Variants in DCC observed in about 807,000 individuals in gnomAD.
The protein encoded by DCC is DCC netrin 1 receptor.
Under a neutral mutation model 172.5 loss-of-function variants are expected in DCC, and 58 were observed. The ratio of observed to expected loss-of-function variants is 0.34; its 90% CI spans 0.27 to 0.42. The LOEUF (loss-of-function observed/expected upper bound fraction) is 0.42. Ranked by LOEUF, DCC falls within the 10% of genes least tolerant of loss-of-function variation. The pLI is 1.00. For synonymous variants in DCC, 709 were observed against 644.5 expected (o/e 1.10, Z -1.52); for missense variants, 1,740 against 1,791.0 (o/e 0.97, Z 0.51).
intron 7 of DCC, among the ~76,000 whole-genome samples, chr18:53,100,431 G>T (rs1049347776): frequency 2.0e-5 from 3 of 151,978 alleles, no homozygotes; most frequent in African/African-American, 7.3e-5. Context: ...AATGTTCACA[G>T]CAAATAAATA....
At chr18:52,576,827 C>G (rs2033424148) in intron 1 of DCC, among the ~76,000 whole-genome samples, 1 of 93,058 alleles carries the variant, frequency 1.1e-5, no homozygotes, top group Non-Finnish European at 2.3e-5. Flanking sequence ...AAGCCTCCAT[C>G]TCAAAAAAAA....
chr18:53,071,462 A>G (rs2042650130), intron 7 of DCC, among the ~76,000 whole-genome samples: 1 of 152,228 alleles, frequency 6.6e-6, no homozygotes, highest in African/African-American at 2.4e-5. Context: ...ATAATGGTAC[A>G]TAAGTAACAT....
intron 1 of DCC, among the ~76,000 whole-genome samples, chr18:52,374,794 A>C (rs1478103558): frequency 1.3e-5 from 2 of 152,200 alleles, no homozygotes; most frequent in East Asian, 3.8e-4. Flanking sequence ...TCTGGTCTAG[A>C]AAGATTAATA....
intron 1 of DCC, among the ~76,000 whole-genome samples, chr18:52,450,149 A>G (rs967457562): frequency 6.6e-6 from 1 of 152,154 alleles, no homozygotes; most frequent in Non-Finnish European, 1.5e-5. Flanking sequence ...GGTCCATGTA[A>G]TTTTCCTAAG....
intron 1 of DCC, among the ~76,000 whole-genome samples, chr18:52,425,432 G>T (rs537915314): frequency 6.6e-6 from 1 of 152,164 alleles, no homozygotes; most frequent in African/African-American, 2.4e-5. Context: ...AGTTTCAGTT[G>T]GTGTCTGAGG....
intron 2 of DCC, among the ~76,000 whole-genome samples, chr18:52,862,555 G>A (rs1183495459): frequency 2.6e-5 from 4 of 151,828 alleles, no homozygotes; most frequent in South Asian, 2.1e-4. Flanking sequence ...AAAATTAGCC[G>A]GGCATGGTGG....
At chr18:53,060,639 A>T (rs902219699) in intron 5 of DCC, among the ~76,000 whole-genome samples, 1 of 152,142 alleles carries the variant, frequency 6.6e-6, no homozygotes, top group Middle Eastern at 3.2e-3. Context: ...AAATCAGATT[A>T]TTTTCCCCTT....
chr18:53,459,185 C>A, intron 23 of DCC, 47 bp from the exon 24 acceptor site: 2 of 1,374,484 alleles, frequency 1.5e-6, no homozygotes, highest in Middle Eastern at 1.9e-4. Context: ...AAAGGAAGTG[C>A]CATTGAATAG....
chr18:53,177,059 C>G (rs1465599988), intron 8 of DCC, among the ~76,000 whole-genome samples: 1 of 151,920 alleles, frequency 6.6e-6, no homozygotes, highest in Non-Finnish European at 1.5e-5. Context: ...AATCATCATT[C>G]TCAGTAAACT....
At chr18:52,863,223 A>G (rs1890256208) in intron 2 of DCC, among the ~76,000 whole-genome samples, 1 of 152,016 alleles carries the variant, frequency 6.6e-6, no homozygotes, top group African/African-American at 2.4e-5. Context: ...CTTACCGAAA[A>G]TACATCTCAC....
intron 7 of DCC, among the ~76,000 whole-genome samples, chr18:53,077,564 G>C (rs750802917): frequency 2.6e-5 from 4 of 152,142 alleles, no homozygotes; most frequent in Non-Finnish European, 5.9e-5. Flanking sequence ...ATAACTTGGT[G>C]CATCTCAGAG....
At position 52,459,456 on chromosome 18, in the gene DCC, T is replaced by TTTTCTTTCTTTCTTTCTTTCTTTCTTTC. The variant is rs113006148; in HGVS notation, c.91+118605_91+118606insCTTTCTTTCTTTCTTTCTTTCTTTCTTT. Among the ~76,000 whole-genome samples, 113 of 151,118 alleles carry TTTTCTTTCTTTCTTTCTTTCTTTCTTTC rather than the reference T, an allele frequency of 7.5e-4. 2 individuals carry two copies. The East Asian group carries it at 0.02, about 26-fold the overall frequency. ...ATAAGTAAGAAAATGCAGTATTTGG[T>TTTTCTTTCTTTCTTTCTTTCTTTCTTTC]TTTCTTTCTTTCTTTCTTTCTTTCT... On this transcript the variant is annotated intron_variant, in intron 1 of 28. Transcript: ENST00000442544.
intron 1 of DCC, among the ~76,000 whole-genome samples, chr18:52,711,874 T>G (rs948785381): frequency 1.3e-5 from 2 of 152,208 alleles, no homozygotes; most frequent in Admixed American, 6.5e-5. Flanking sequence ...CTTTTCTGTA[T>G]CTCCAACTAG....
intron 1 of DCC, among the ~76,000 whole-genome samples, chr18:52,512,841 G>A (rs147985922): frequency 2.6e-5 from 4 of 152,278 alleles, no homozygotes; most frequent in Non-Finnish European, 5.9e-5. Context: ...ATTAGATGTG[G>A]TATCTGGAAG....
chr18:52,897,200 T>G (rs1458029281), intron 2 of DCC, among the ~76,000 whole-genome samples: 1 of 152,158 alleles, frequency 6.6e-6, no homozygotes, highest in Non-Finnish European at 1.5e-5. Flanking sequence ...TCTGGAACAG[T>G]ACCAACACTA....
intron 5 of DCC, among the ~76,000 whole-genome samples, chr18:53,001,237 A>G (rs1357575332): frequency 6.6e-6 from 1 of 152,128 alleles, no homozygotes; most frequent in Non-Finnish European, 1.5e-5. Context: ...AAAGATGGCC[A>G]TTGAATAATG....
intron 1 of DCC, among the ~76,000 whole-genome samples, chr18:52,706,033 G>A (rs1014919848): frequency 3.3e-5 from 5 of 152,136 alleles, no homozygotes; most frequent in African/African-American, 1.2e-4. Context: ...ATTTTAGGAT[G>A]CTGACAGCAT....
At chr18:52,541,476 T>A (rs1217646697) in intron 1 of DCC, among the ~76,000 whole-genome samples, 1 of 152,164 alleles carries the variant, frequency 6.6e-6, no homozygotes, top group Non-Finnish European at 1.5e-5. Flanking sequence ...AAGAGAAAAA[T>A]CTAAATTCTA....
At chr18:52,785,424 A>G (rs575281802) in intron 2 of DCC, among the ~76,000 whole-genome samples, 8 of 151,988 alleles carry the variant, frequency 5.3e-5, no homozygotes, top group African/African-American at 1.9e-4. Context: ...TGCTTAAGTA[A>G]TTTCTTAAGT....
Sources: allele counts gnomAD v4.1 joint callset (sites outside exome capture counted in the v4.1 genomes callset), GRCh38; gene constraint gnomAD v4.1.1; transcripts MANE v1.5; gene names NCBI Gene and HGNC (gene_info 2026-07-23, HGNC 2026-07-21).